The following RGL1 variants were observed in gnomAD, a reference collection of about 807,000 sequenced individuals.
RGL1 encodes ral guanine nucleotide dissociation stimulator-like 1.
Under a neutral mutation model 95.2 loss-of-function variants are expected in RGL1, and 24 were observed. The ratio of observed to expected loss-of-function variants is 0.25; its 90% CI spans 0.18 to 0.35. The LOEUF (loss-of-function observed/expected upper bound fraction) is 0.35. RGL1 is among the 10% of genes least tolerant of loss of function. RGL1 has a pLI of 1.00. For missense variants in RGL1, 715 were observed against 936.3 expected, an observed-to-expected ratio of 0.76 and a Z score of 3.08; for synonymous variants, 329 against 344.9, an observed-to-expected ratio of 0.95 and a Z score of 0.51.
chr1:183,904,498 C>G (rs886230727), intron 12 of RGL1, among the ~76,000 whole-genome samples: 1 of 151,962 alleles, frequency 6.6e-6, no homozygotes, highest in South Asian at 2.1e-4. Flanking sequence ...CCTTAAAAAT[C>G]ATTTTTCTAT....
intron 2 of RGL1, among the ~76,000 whole-genome samples, chr1:183,815,565 A>G (rs946701830): frequency 6.6e-6 from 1 of 152,194 alleles, no homozygotes; most frequent in Admixed American, 6.5e-5. Flanking sequence ...TTTCAGGGGT[A>G]TGTTCAGCAG....
chr1:183,707,523 G>A (rs976340778), intron 1 of RGL1, among the ~76,000 whole-genome samples: 1 of 152,216 alleles, frequency 6.6e-6, no homozygotes, highest in Admixed American at 6.5e-5. Flanking sequence ...GCGAGTATGG[G>A]AAGGAGAGAA....
intron 10 of RGL1, among the ~76,000 whole-genome samples, chr1:183,899,187 A>G (rs563631589): frequency 1.4e-4 from 22 of 152,378 alleles, no homozygotes; most frequent in South Asian, 1.0e-3. Context: ...AACATCTTCT[A>G]AAACCATAGC....
intron 2 of RGL1, among the ~76,000 whole-genome samples, chr1:183,752,706 T>TC (rs58775038): frequency 0.024 from 2,616 of 110,116 alleles, 164 homozygotes; most frequent in Non-Finnish European, 0.027. Context: ...CTCTCTCTCT[T>TC]TCCCCTTTCC....
chr1:183,869,066 C>T (rs764008490), intron 4 of RGL1, among the ~76,000 whole-genome samples: 3 of 152,182 alleles, frequency 2.0e-5, no homozygotes, highest in Non-Finnish European at 2.9e-5. Flanking sequence ...TGCTGTGAGC[C>T]ATGATCGTGC....
intron 13 of RGL1, among the ~76,000 whole-genome samples, 162 bp downstream of exon 13, chr1:183,905,133 G>T (rs983423966): frequency 6.6e-6 from 1 of 152,188 alleles, no homozygotes; most frequent in African/African-American, 2.4e-5. Context: ...AGGAAAGGCT[G>T]AGTTGATAGC....
At chr1:183,813,747 CTT>C (rs34014742) in intron 2 of RGL1, among the ~76,000 whole-genome samples, 240 of 152,196 alleles carry the variant, frequency 1.6e-3, no homozygotes, top group Non-Finnish European at 2.6e-3. Flanking sequence ...GTCTGATACT[CTT>C]TATCCTAGCA....
At chr1:183,815,934 T>C (rs1218439385) in intron 2 of RGL1, among the ~76,000 whole-genome samples, 1 of 152,184 alleles carries the variant, frequency 6.6e-6, no homozygotes, top group African/African-American at 2.4e-5. Flanking sequence ...CCCCTGAAGC[T>C]TGGTGTTATA....
At chr1:183,892,258 C>A in intron 9 of RGL1, 97 bp downstream of exon 9, 1 of 843,624 alleles carries the variant, frequency 1.2e-6, no homozygotes, top group South Asian at 2.2e-5. Flanking sequence ...TCCTTCAACT[C>A]CAAAGAAAGC....
intron 1 of RGL1, among the ~76,000 whole-genome samples, chr1:183,687,087 A>T: frequency 6.6e-6 from 1 of 152,146 alleles, no homozygotes; most frequent in East Asian, 1.9e-4. Flanking sequence ...TAACATAATC[A>T]CATCCCAATT....
chr1:183,924,589 G>T (rs1464098824), intron 17 of RGL1, among the ~76,000 whole-genome samples: 1 of 152,094 alleles, frequency 6.6e-6, no homozygotes, highest in East Asian at 1.9e-4. Context: ...AAACCTGCAC[G>T]TTCTGCACAT....
intron 1 of RGL1, among the ~76,000 whole-genome samples, chr1:183,723,395 T>A (rs1358376242): frequency 6.6e-6 from 1 of 152,224 alleles, no homozygotes; most frequent in Non-Finnish European, 1.5e-5. Context: ...TTCATGTCAC[T>A]GAAAGAGGCA....
At chr1:183,664,630 TA>T (rs2102035089) in intron 1 of RGL1, among the ~76,000 whole-genome samples, 1 of 151,320 alleles carries the variant, frequency 6.6e-6, no homozygotes, top group South Asian at 2.1e-4. Flanking sequence ...TTGAGCAAAA[TA>T]AAATAATTTC....
intron 2 of RGL1, among the ~76,000 whole-genome samples, chr1:183,765,367 T>C (rs1658910509): frequency 6.6e-6 from 1 of 152,220 alleles, no homozygotes; most frequent in African/African-American, 2.4e-5. Context: ...TCACAAAGTT[T>C]CTGAATTCTG....
chr1:183,713,173 G>A (rs1049189485), intron 1 of RGL1, among the ~76,000 whole-genome samples: 3 of 151,962 alleles, frequency 2.0e-5, no homozygotes, highest in South Asian at 4.1e-4. Context: ...TTACAGGCGT[G>A]TACCACAATG....
chr1:183,762,822 G>A (rs538222712), intron 2 of RGL1, among the ~76,000 whole-genome samples: 1 of 152,196 alleles, frequency 6.6e-6, no homozygotes, highest in Non-Finnish European at 1.5e-5. Flanking sequence ...CATTGTGGAA[G>A]ACAGTATGGC....
intron 15 of RGL1, among the ~76,000 whole-genome samples, chr1:183,914,816 A>C (rs1668863334): frequency 6.6e-6 from 1 of 152,188 alleles, no homozygotes; most frequent in South Asian, 2.1e-4. Flanking sequence ...TCATAGAAAA[A>C]TCTAACAAAG....
intron 1 of RGL1, among the ~76,000 whole-genome samples, chr1:183,638,401 C>T (rs1052695102): frequency 1.3e-5 from 2 of 152,134 alleles, no homozygotes; most frequent in Admixed American, 6.5e-5. Context: ...AGGTACTCAA[C>T]GTGTTTCTAG....
At chr1:183,657,358 T>A (rs1651246068) in intron 1 of RGL1, among the ~76,000 whole-genome samples, 1 of 152,248 alleles carries the variant, frequency 6.6e-6, no homozygotes, top group Non-Finnish European at 1.5e-5. Context: ...GTTACATATG[T>A]ATACATGTGC....
Sources: allele counts gnomAD v4.1 joint callset (sites outside exome capture counted in the v4.1 genomes callset), GRCh38; gene constraint gnomAD v4.1.1; transcripts MANE v1.5; gene names NCBI Gene and HGNC (gene_info 2026-07-23, HGNC 2026-07-21).